The following TSC2 variants were observed in gnomAD, a reference collection of about 807,000 sequenced individuals.
The protein encoded by TSC2 is TSC complex subunit 2.
TSC2 carries 29 observed loss-of-function variants against 202.2 expected under a neutral mutation model. That is an observed-to-expected ratio of 0.14 (90% CI 0.11 to 0.20). The LOEUF is 0.20. Among genes scored for constraint, TSC2 ranks in the 10% least tolerant of loss-of-function variants. The pLI, the probability that TSC2 is intolerant of heterozygous loss-of-function variation, is 1.00. For missense variants in TSC2, 2,429 were observed against 2,420.0 expected, an observed-to-expected ratio of 1.00 and a Z score of -0.08; for synonymous variants, 1,349 against 1,044.0, an observed-to-expected ratio of 1.29 and a Z score of -5.63.
intron 16 of TSC2, chr16:2,066,220 G>A (rs2087335114): frequency 6.4e-6 from 1 of 155,472 alleles, no homozygotes; most frequent in South Asian, 2.0e-4. Context: ...TCATGGAAGT[G>A]GAATCACACA....
chr16:2,061,549 T>C (rs2086636575), intron 11 of TSC2: 2 of 439,230 alleles, frequency 4.6e-6, no homozygotes, highest in Non-Finnish European at 4.3e-6. Flanking sequence ...CCCAGCTGCA[T>C]GGGCACAGCC....
At chr16:2,053,884 A>G in intron 4 of TSC2, 1 of 460,386 alleles carries the variant, frequency 2.2e-6, no homozygotes, top group South Asian at 1.7e-5. Flanking sequence ...CTGGTCGGCC[A>G]CTTCTACTCC....
intron 25 of TSC2, 69 bp downstream of exon 25, chr16:2,076,654 G>C: frequency 1.3e-6 from 2 of 1,528,450 alleles, no homozygotes; most frequent in Non-Finnish European, 1.8e-6. Context: ...TGGCCTGCCT[G>C]ACGGTGCCTC....
In TSC2 at chr16:2,071,778, C is replaced by T. The variant is rs2088443606; in HGVS notation, c.1947-6C>T. 6.2e-7 allele frequency: 1 copy of T among 1,605,556 alleles called. No homozygotes were observed. The highest frequency in any genetic ancestry group is 1.3e-5 in the African/African-American group (1 of 74,712). The stretch of plus-strand genomic sequence containing the variant: ...TTGGCCTCAGCTGCTTCTCTTGCTT[C>T]TGCAGGGAGCCAGAGAGAGGCTCTG... On this transcript the variant is annotated splice_polypyrimidine_tract_variant and splice_region_variant and intron_variant, in intron 18 of 41. Transcript: ENST00000219476.
intron 16 of TSC2, among the ~76,000 whole-genome samples, chr16:2,069,557 G>A (rs2087917811): frequency 6.6e-6 from 1 of 151,122 alleles, no homozygotes; most frequent in Admixed American, 6.6e-5. Flanking sequence ...TCGGCTCACT[G>A]CAAGCTCTGC....
rs1060500957 is a variant in TSC2, at chr16:2,088,455, G to A, written c.5269G>A (p.Glu1757Lys). The A allele has an allele frequency of 6.2e-7, 1 of 1,612,792 alleles. No individual in the cohort carries two copies. Among genetic ancestry groups the A allele is most frequent in the Admixed American group, 1.7e-5 (1 of 60,028 alleles). Residue 1757 changes from glutamate (E) to lysine (K), a missense_variant, in exon 42 of 42, where the codon GAA becomes AAA. Glu to Lys is a moderately conservative substitution (Grantham distance 56). Coordinates refer to ENST00000219476, the MANE Select transcript of TSC2 (RefSeq NM_000548.5). ...CCGCCTCTGCCTTCAGATCTGCGAG[G>A]AAGCCGCCTACTCCAACCCCAGCCT... ...IKRLRQRICE[E>K]AAYSNPSLPL...
rs8047775 is a variant in TSC2 at position 2,080,727 on chromosome 16, G to C, written c.3610+350G>C. ...TCTCAATCTCCTGACCTCGTGATCC[G>C]CCCGCCTTGGCCTCCCAAAGTGCTG... On this transcript the variant is annotated intron_variant, in intron 30 of 41. Coordinates refer to ENST00000219476, the MANE Select transcript of TSC2 (RefSeq NM_000548.5). 9.6e-5 allele frequency: 27 copies of C among 280,204 alleles called. No homozygotes were observed. The South Asian group carries it at 1.0e-3, about 11-fold the overall frequency. The allele number at this position is 280,204 out of a possible 1,614,324, so 17.4% of individuals were successfully genotyped here.
chr16:2,071,316 A>C, intron 17 of TSC2, 194 bp from the exon 18 acceptor site: 1 of 644,186 alleles, frequency 1.6e-6, no homozygotes, highest in Non-Finnish European at 2.8e-6. Context: ...GGGAGGGAGG[A>C]GGCTGTGGGT....
intron 11 of TSC2, chr16:2,061,094 G>A (rs1239011256): frequency 2.5e-5 from 12 of 474,594 alleles, no homozygotes; most frequent in South Asian, 1.7e-4. Flanking sequence ...CCTGCAGGCC[G>A]CCTTCGTGGC....
chr16:2,073,614 C>T (rs988401934), intron 21 of TSC2, among the ~76,000 whole-genome samples: 3 of 152,214 alleles, frequency 2.0e-5, no homozygotes, highest in Non-Finnish European at 4.4e-5. Flanking sequence ...CCCTCAGGCT[C>T]AGCCCCACCC....
intron 22 of TSC2, 24 bp downstream of exon 22, chr16:2,074,413 A>T (rs754119272): frequency 1.2e-6 from 2 of 1,606,300 alleles, no homozygotes; most frequent in African/African-American, 1.3e-5. Context: ...CTGCCTGCGC[A>T]TGCACCCGAG....
In TSC2 at chr16:2,065,561, A is replaced by G. The variant is rs565375272; in HGVS notation, c.1642A>G (p.Arg548Gly). The change falls in exon 16 of 42, where the codon AGG becomes GGG. Residue 548 changes from arginine to glycine, a missense_variant. Physicochemically the swap from Arg to Gly is moderately radical, Grantham distance 125. Transcript: ENST00000219476. ...CTCCCCACCCCCGGAGCTGGAAGAAAGGGATGTGGCCGCATACTCGGCCTC... is the reference window on the plus strand; with the variant it reads ...CTCCCCACCCCCGGAGCTGGAAGAAGGGGATGTGGCCGCATACTCGGCCTC... ...SLSPPPELEE[R>G]DVAAYSASLE... The G allele has an allele frequency of 6.2e-7, 1 of 1,613,796 alleles. No individual in the cohort carries two copies. Among genetic ancestry groups the G allele is most frequent in the Non-Finnish European group, 8.5e-7 (1 of 1,180,004 alleles).
intron 24 of TSC2, 25 bp from the exon 25 acceptor site, chr16:2,076,466 T>C (rs2089391310): frequency 6.2e-7 from 1 of 1,612,836 alleles, no homozygotes. Flanking sequence ...CACCCCTCAC[T>C]GTCTGGGTGT....
At chr16:2,054,833 G>C (rs1366957419) in intron 5 of TSC2, 1 of 362,852 alleles carries the variant, frequency 2.8e-6, no homozygotes, top group Non-Finnish European at 5.3e-6. Flanking sequence ...CCTGTGGTGG[G>C]AGGTTTCCAT....
intron 16 of TSC2, among the ~76,000 whole-genome samples, chr16:2,068,400 G>A (rs1349037733): frequency 6.6e-6 from 1 of 152,142 alleles, no homozygotes; most frequent in Non-Finnish European, 1.5e-5. Context: ...ACAGTATGGG[G>A]CTGGGAGTGC....
rs763498977 is a variant in TSC2 at position 2,086,891 on chromosome 16, T to A, written c.4989+20T>A. On this transcript the variant is annotated intron_variant, in intron 38 of 41. Transcript: ENST00000219476. ...ATCAAGGTGAGTGAGGGGCCGTCAGTGAGGCTGGGCCCCAGGCAGGTGCCC... is the reference window on the plus strand; with the variant it reads ...ATCAAGGTGAGTGAGGGGCCGTCAGAGAGGCTGGGCCCCAGGCAGGTGCCC... 24 of 1,565,526 alleles carry A rather than the reference T, an allele frequency of 1.5e-5. No homozygotes were observed. In the East Asian group the frequency reaches 4.3e-4, roughly 28 times the overall value.
In TSC2 at chr16:2,088,032, CACCA is replaced by C. The variant is rs760617977; in HGVS notation, c.5069-14_5069-11del. 2 of 1,611,498 alleles carry C rather than the reference CACCA, an allele frequency of 1.2e-6. No homozygotes were observed. Among genetic ancestry groups the C allele is most frequent in the African/African-American group, 2.7e-5 (2 of 74,594 alleles). ...CCAAGAGCCCTGGGCCTGGCGTGACCACCAAGTCTCCCCAGACATGGAGGGCCTT... is the reference window on the plus strand; with the variant it reads ...CCAAGAGCCCTGGGCCTGGCGTGACCAGTCTCCCCAGACATGGAGGGCCTT... On this transcript the variant is annotated splice_polypyrimidine_tract_variant and intron_variant, in intron 39 of 41. Transcript: ENST00000219476.
Position 2,079,779 on chromosome 16 carries a change from A to G in TSC2, c.3397+110A>G. On this transcript the variant is annotated intron_variant, in intron 29 of 41. Transcript: ENST00000219476. The surrounding 1 kb of genome is among the most constrained non-coding windows in gnomAD (Gnocchi z 4.6). ...CCCAGGGGCCGGGGTGGCTGGCTTCAGGCCCGGCCCACGTCCTGACTCTGG... is the reference window on the plus strand; with the variant it reads ...CCCAGGGGCCGGGGTGGCTGGCTTCGGGCCCGGCCCACGTCCTGACTCTGG... 8.0e-6 allele frequency: 9 copies of G among 1,125,126 alleles called. No homozygotes were observed. Among genetic ancestry groups the G allele is most frequent in the Admixed American group, 2.4e-5 (1 of 41,460 alleles). The allele number at this position is 1,125,126 out of a possible 1,614,324, so 69.7% of individuals were successfully genotyped here.
chr16:2,086,644 C>G, intron 37 of TSC2, 88 bp from the exon 38 acceptor site: 1 of 1,584,490 alleles, frequency 6.3e-7, no homozygotes, highest in South Asian at 1.1e-5. Context: ...CCCCAGAGCC[C>G]CTGGAGTAAT....
Sources: allele counts gnomAD v4.1 joint callset (sites outside exome capture counted in the v4.1 genomes callset), GRCh38; gene constraint gnomAD v4.1.1; non-coding constraint Gnocchi (gnomAD v3.1); transcripts MANE v1.5; gene names NCBI Gene and HGNC (gene_info 2026-07-23, HGNC 2026-07-21).